Variants in TMEM117 observed in about 807,000 individuals in gnomAD.
The protein encoded by TMEM117 is transmembrane protein 117.
TMEM117 carries 27 observed loss-of-function variants against 52.4 expected under a neutral mutation model. The observed-to-expected ratio is 0.51, with a 90% CI of 0.38 to 0.71. The LOEUF is 0.71. Among genes scored for constraint, TMEM117 ranks in the 30% least tolerant of loss-of-function variants. TMEM117 has a pLI of 0.00. For missense variants in TMEM117, 556 were observed against 630.5 expected, an observed-to-expected ratio of 0.88 and a Z score of 1.26; for synonymous variants, 215 against 206.3, an observed-to-expected ratio of 1.04 and a Z score of -0.36.
At chr12:44,128,737 G>A (rs565141466) in intron 3 of TMEM117, among the ~76,000 whole-genome samples, 1 of 152,310 alleles carries the variant, frequency 6.6e-6, no homozygotes, top group East Asian at 1.9e-4. Context: ...GGGATTTTAT[G>A]TATGCCCAGC....
At position 43,990,324 on chromosome 12, in the gene TMEM117, A is replaced by T. The variant is rs537987959; in HGVS notation, c.410+45982A>T. 2.2e-4 allele frequency among the ~76,000 whole-genome samples: 34 copies of T among 152,288 alleles called. 2 individuals are homozygous for T. Among genetic ancestry groups the T allele is most frequent in the African/African-American group, 8.2e-4 (34 of 41,572 alleles). On this transcript the variant is annotated intron_variant, in intron 3 of 7. Coordinates refer to ENST00000266534, the MANE Select transcript of TMEM117 (RefSeq NM_032256.3). Reference sequence around the variant, plus strand: ...CTTGCAGTTTAAAAACTTAGACTTTACACTATTTTATTATCCAAAAATGAC... The same window carrying T: ...CTTGCAGTTTAAAAACTTAGACTTTTCACTATTTTATTATCCAAAAATGAC...
intron 4 of TMEM117, among the ~76,000 whole-genome samples, chr12:44,147,512 G>A (rs1948660346): frequency 6.6e-6 from 1 of 152,124 alleles, no homozygotes; most frequent in Non-Finnish European, 1.5e-5. Flanking sequence ...GGTACATCCT[G>A]TTCTAGTTGC....
chr12:44,372,062 C>T (rs953825479), intron 6 of TMEM117, among the ~76,000 whole-genome samples: 6 of 152,142 alleles, frequency 3.9e-5, no homozygotes, highest in African/African-American at 1.2e-4. Flanking sequence ...ATTGGAGTAG[C>T]GTAATACCTT....
At chr12:44,064,841 T>C (rs1947197603) in intron 3 of TMEM117, among the ~76,000 whole-genome samples, 4 of 152,170 alleles carry the variant, frequency 2.6e-5, no homozygotes. Flanking sequence ...CAGACTATAA[T>C]TAATAATATT....
rs1565701526 is a variant in TMEM117 at position 44,311,813 on chromosome 12, GTATATATATGTATATATGTATATATGTA to G, written c.768+12082_768+12109del. Among the ~76,000 whole-genome samples, 27 of 93,282 alleles carry G rather than the reference GTATATATATGTATATATGTATATATGTA, an allele frequency of 2.9e-4. 1 individual carries two copies. Among genetic ancestry groups the G allele is most frequent in the Middle Eastern group, 5.4e-3 (1 of 186 alleles). 61.2% of individuals were successfully genotyped at this position (93,282 alleles called of 152,430 possible). On this transcript the variant is annotated intron_variant, in intron 6 of 7. Coordinates refer to ENST00000266534, the MANE Select transcript of TMEM117 (RefSeq NM_032256.3). ...TATATATATGTATATATGTATATAT[GTATATATATGTATATATGTATATATGTA>G]TATATATGTATATATGTATATATAT...
intron 5 of TMEM117, among the ~76,000 whole-genome samples, chr12:44,270,224 C>T (rs911086277): frequency 6.6e-6 from 1 of 152,058 alleles, no homozygotes; most frequent in African/African-American, 2.4e-5. Context: ...AAACAGGCTA[C>T]TTAATCTCTC....
At position 44,297,014 on chromosome 12, in the gene TMEM117, A is replaced by G. The variant is rs541768102; in HGVS notation, c.609-2566A>G. Among the ~76,000 whole-genome samples, 22 of 152,324 alleles carry G rather than the reference A, an allele frequency of 1.4e-4. No homozygotes were observed. In the South Asian group the frequency reaches 2.3e-3, roughly 16 times the overall value. ...TCTTGGACTTCGTATCTGAATCCAA[A>G]GCTCGAAAAAGGCACTTTTTTCCAT... On this transcript the variant is annotated intron_variant, in intron 5 of 7. Coordinates refer to ENST00000266534, the MANE Select transcript of TMEM117 (RefSeq NM_032256.3).
intron 3 of TMEM117, among the ~76,000 whole-genome samples, chr12:43,958,799 T>TTGTTTG (rs1555188004): frequency 1.3e-4 from 20 of 151,110 alleles, no homozygotes; most frequent in South Asian, 4.2e-4. Flanking sequence ...TGGTTTCTTT[T>TTGTTTG]TTTGTTAGTT....
intron 5 of TMEM117, among the ~76,000 whole-genome samples, chr12:44,270,004 G>A (rs1360090317): frequency 6.6e-6 from 1 of 152,024 alleles, no homozygotes; most frequent in Non-Finnish European, 1.5e-5. Flanking sequence ...GGAAAAAGAA[G>A]ACTAAAGAAT....
At chr12:43,823,153 CTT>C in the TMEM117 span, among the ~76,000 whole-genome samples, 60 of 152,058 alleles carry the variant, frequency 3.9e-4, no homozygotes, top group Admixed American at 3.9e-3. Flanking sequence ...TGGAATGAAA[CTT>C]GATGTATTAA....
At chr12:44,396,209 C>T in the TMEM117 span, among the ~76,000 whole-genome samples, 1 of 152,074 alleles carries the variant, frequency 6.6e-6, no homozygotes, top group African/African-American at 2.4e-5. Context: ...TTGTACCACT[C>T]AACTCTGCTT....
chr12:44,183,575 G>T (rs1257418873), intron 4 of TMEM117, among the ~76,000 whole-genome samples: 1 of 152,108 alleles, frequency 6.6e-6, no homozygotes, highest in East Asian at 1.9e-4. Flanking sequence ...AGGGGGCTGG[G>T]AAAACTTATT....
Position 43,953,160 on chromosome 12 carries a change from C to G in TMEM117, c.410+8818C>G, listed in dbSNP as rs536825965. Among the ~76,000 whole-genome samples, 4 of 151,976 alleles carry G rather than the reference C, an allele frequency of 2.6e-5. No individual in the cohort carries two copies. The East Asian group carries it at 7.7e-4, about 29-fold the overall frequency. ...TGCTTCCTTCAGGAAGCACTAAATA[C>G]GGATAGGAAAAACCATTACCAGCTA... On this transcript the variant is annotated intron_variant, in intron 3 of 7. Transcript: ENST00000266534.
chr12:43,820,581 ATTT>A, the TMEM117 span, among the ~76,000 whole-genome samples: 6,413 of 135,116 alleles, frequency 0.047, 183 homozygotes, highest in African/African-American at 0.082. Flanking sequence ...CCACAGGCGT[ATTT>A]TTTTTTTTTT....
At chr12:44,090,396 C>CTT (rs201492790) in intron 3 of TMEM117, among the ~76,000 whole-genome samples, 1 of 143,846 alleles carries the variant, frequency 7.0e-6, no homozygotes, top group African/African-American at 2.6e-5. Context: ...TTTTATCTTA[C>CTT]TTTTTATTTA....
At chr12:44,389,867 G>C (rs78983403), downstream of TMEM117, 347 of 152,186 alleles carry the variant, frequency 2.3e-3, 1 homozygote, top group African/African-American at 7.6e-3. Flanking sequence ...AAGGCACACT[G>C]CCAACTTGCT....
chr12:44,254,028 AC>A (rs1455485812), intron 5 of TMEM117, among the ~76,000 whole-genome samples: 20 of 151,360 alleles, frequency 1.3e-4, no homozygotes, highest in Middle Eastern at 3.4e-3. Context: ...AAAAAAAAAA[AC>A]ATAGAAGCAG....
At chr12:43,799,810 C>A in the TMEM117 span, among the ~76,000 whole-genome samples, 42 of 152,146 alleles carry the variant, frequency 2.8e-4, no homozygotes, top group African/African-American at 9.4e-4. Context: ...CTGTAATTAA[C>A]CTTCTGGAGA....
chr12:43,873,995 A>G (rs892334781), intron 2 of TMEM117, among the ~76,000 whole-genome samples: 3 of 151,802 alleles, frequency 2.0e-5, no homozygotes, highest in African/African-American at 7.2e-5. Flanking sequence ...TCTGAGCTGA[A>G]AAATCCATGT....
Sources: gnomAD v4.1 joint callset for allele counts (sites outside exome capture counted in the v4.1 genomes callset) on GRCh38, gnomAD v4.1.1 for gene constraint, MANE v1.5 for transcripts, NCBI Gene and HGNC (gene_info 2026-07-23, HGNC 2026-07-21) for gene names.